Variants in MXD1 observed in about 807,000 individuals in gnomAD.
MXD1 encodes the protein MAX dimerization protein 1, also known as MAX-binding protein.
In MXD1, 9 loss-of-function variants were observed where a neutral mutation model predicts 25.7. That is an observed-to-expected ratio of 0.35 (90% CI 0.21 to 0.61). The LOEUF (loss-of-function observed/expected upper bound fraction) is 0.61, where lower values mean the gene tolerates loss of function less well. Among genes scored for constraint, MXD1 ranks in the 20% least tolerant of loss-of-function variants. The pLI is 0.75. For missense variants in MXD1, 227 were observed against 292.4 expected (o/e 0.78, Z 1.63); for synonymous variants, 99 against 113.9 (o/e 0.87, Z 0.83).
rs1287065244 is a variant in MXD1 at position 69,941,883 on chromosome 2, C to T, written c.*3599C>T. On this transcript the variant is annotated 3_prime_UTR_variant, in exon 6 of 6. Coordinates refer to ENST00000264444, the MANE Select transcript of MXD1 (RefSeq NM_002357.4). ...ATATATACACACACACACACACACACACATATTATTATTTAGGTTTTTATA... is the reference window on the plus strand; with the variant it reads ...ATATATACACACACACACACACACATACATATTATTATTTAGGTTTTTATA... 1 of 152,092 alleles carries T rather than the reference C, an allele frequency of 6.6e-6. No homozygotes were observed. The highest frequency in any genetic ancestry group is 1.5e-5 in the Non-Finnish European group (1 of 68,020). 9.4% of individuals were successfully genotyped at this position (152,092 alleles called of 1,614,324 possible).
intron 5 of MXD1, 83 bp from the exon 6 acceptor site, chr2:69,938,014 T>A: frequency 7.3e-7 from 1 of 1,368,234 alleles, no homozygotes; most frequent in Admixed American, 2.0e-5. Flanking sequence ...CCCAAAGTGC[T>A]GGGATTACAA....
chr2:69,930,681 C>G (rs535518202), intron 3 of MXD1, among the ~76,000 whole-genome samples: 1 of 152,298 alleles, frequency 6.6e-6, no homozygotes, highest in Non-Finnish European at 1.5e-5. Context: ...TGCCAGATAG[C>G]CTCTGTCTGC....
At chr2:69,933,331 A>C (rs1677344858) in intron 3 of MXD1, among the ~76,000 whole-genome samples, 1 of 151,962 alleles carries the variant, frequency 6.6e-6, no homozygotes, top group Admixed American at 6.6e-5. Context: ...ATCTATTTTC[A>C]TGGCTCTTTT....
intron 4 of MXD1, among the ~76,000 whole-genome samples, chr2:69,936,039 TC>T (rs1203702704): frequency 6.6e-6 from 1 of 152,068 alleles, no homozygotes; most frequent in African/African-American, 2.4e-5. Context: ...CAGCCCTTCT[TC>T]CAGTCCCTGG....
rs1677569817 is a variant in MXD1, at chr2:69,940,467, G to C, written c.*2183G>C. 3 of 152,666 alleles carry C rather than the reference G, an allele frequency of 2.0e-5. 1 individual carries two copies. The highest frequency in any genetic ancestry group is 2.1e-4 in the South Asian group (1 of 4,822). The allele number at this position is 152,666 out of a possible 1,614,324, so 9.5% of individuals were successfully genotyped here. A position where few individuals can be genotyped will look rare whatever the true frequency, so the allele number is the denominator to read the frequency against. ...GGAAAAAGCTTGTGGGCTTGCACTG[G>C]GGGAGGGAAGGGAACAAAATTTGTG... On this transcript the variant is annotated 3_prime_UTR_variant, in exon 6 of 6. Transcript: ENST00000264444.
At chr2:69,937,077 C>T in intron 4 of MXD1, 158 bp from the exon 5 acceptor site, 2 of 937,886 alleles carry the variant, frequency 2.1e-6, no homozygotes, top group Non-Finnish European at 3.5e-6. Flanking sequence ...GAGTCACTGG[C>T]CAGTCGACTT....
rs1009429637 is a variant in MXD1 at position 69,921,722 on chromosome 2, G to T, written c.174-14G>T. 1 of 1,606,720 alleles carries T rather than the reference G, an allele frequency of 6.2e-7. No homozygotes were observed. On this transcript the variant is annotated splice_polypyrimidine_tract_variant and intron_variant, in intron 2 of 5. Coordinates refer to ENST00000264444, the MANE Select transcript of MXD1 (RefSeq NM_002357.4). ...AAAAATATCTTATTCTTCTCTTATT[G>T]TTCCCTCTTTCAGATCAACTCACAA...
rs1553380128 is a variant in MXD1, at chr2:69,937,448, C to CACGG, written c.478+55_478+56insCGGA. On this transcript the variant is annotated intron_variant, in intron 5 of 5. Coordinates refer to ENST00000264444, the MANE Select transcript of MXD1 (RefSeq NM_002357.4). ...TCCCTTGTGCTCCCCAACCCCAGAG[C>CACGG]AGGGGTTCAGTACTGCGGACAGGAG... The CACGG allele has an allele frequency of 1.4e-5, 21 of 1,514,038 alleles. 1 individual carries two copies. Among genetic ancestry groups the CACGG allele is most frequent in the Non-Finnish European group, 1.6e-5 (18 of 1,127,356 alleles). The allele number at this position is 1,514,038 out of a possible 1,614,324, so 93.8% of individuals were successfully genotyped here.
intron 3 of MXD1, among the ~76,000 whole-genome samples, chr2:69,933,291 A>G (rs1168815216): frequency 6.6e-6 from 1 of 151,838 alleles, no homozygotes; most frequent in South Asian, 2.1e-4. Flanking sequence ...TGTATAAATT[A>G]TACTTTCTCA....
intron 3 of MXD1, among the ~76,000 whole-genome samples, chr2:69,922,240 G>T (rs1429210560): frequency 6.6e-6 from 1 of 152,220 alleles, no homozygotes; most frequent in Non-Finnish European, 1.5e-5. Context: ...TCAGGCAAAT[G>T]TATGCATGGC....
intron 3 of MXD1, among the ~76,000 whole-genome samples, chr2:69,924,260 AACGTGAAGTC>A (rs1182165021): frequency 6.6e-6 from 1 of 152,244 alleles, no homozygotes; most frequent in Non-Finnish European, 1.5e-5. Context: ...TGGAAAACTG[AACGTGAAGTC>A]ACCACTAGGC....
intron 3 of MXD1, among the ~76,000 whole-genome samples, chr2:69,928,241 CAAGATAGGTGATAA>C (rs1677208425): frequency 6.6e-6 from 1 of 151,990 alleles, no homozygotes; most frequent in Non-Finnish European, 1.5e-5. Context: ...TGGCCCACAC[CAAGATAGGTGATAA>C]AATGGTGAAA....
chr2:69,937,196 C>T (rs1470294002), intron 4 of MXD1, 39 bp from the exon 5 acceptor site: 1 of 1,609,550 alleles, frequency 6.2e-7, no homozygotes, highest in South Asian at 1.1e-5. Flanking sequence ...ATTTAGAGAT[C>T]TCCCTGTGGG....
chr2:69,923,864 G>A (rs1677119206), intron 3 of MXD1, among the ~76,000 whole-genome samples: 1 of 152,076 alleles, frequency 6.6e-6, no homozygotes, highest in African/African-American at 2.4e-5. Context: ...GGGTAAACCG[G>A]GACTATTTCT....
intron 3 of MXD1, among the ~76,000 whole-genome samples, chr2:69,930,364 G>A (rs1558570903): frequency 6.6e-6 from 1 of 152,128 alleles, no homozygotes; most frequent in Non-Finnish European, 1.5e-5. Flanking sequence ...AGATCAAGGA[G>A]GGAGGCCCAG....
In MXD1 at chr2:69,938,856, C is replaced by G. The variant is rs1375777255; in HGVS notation, c.*572C>G. 1 of 152,940 alleles carries G rather than the reference C, an allele frequency of 6.5e-6. No individual in the cohort carries two copies. The highest frequency in any genetic ancestry group is 2.4e-5 in the African/African-American group (1 of 41,436). The allele number at this position is 152,940 out of a possible 1,614,324, so 9.5% of individuals were successfully genotyped here. On this transcript the variant is annotated 3_prime_UTR_variant, in exon 6 of 6. Coordinates refer to ENST00000264444, the MANE Select transcript of MXD1 (RefSeq NM_002357.4). Reference sequence around the variant, plus strand: ...ACCGCGCATGCTCATTCCCCCGACGCGCCGCGTGTGGATGGGAGCAGTATT... The same window carrying G: ...ACCGCGCATGCTCATTCCCCCGACGGGCCGCGTGTGGATGGGAGCAGTATT...
In MXD1 at chr2:69,940,280, A is replaced by T. The variant is rs1331105950; in HGVS notation, c.*1996A>T. 2.6e-5 allele frequency: 4 copies of T among 152,146 alleles called. No individual in the cohort carries two copies. The highest frequency in any genetic ancestry group is 9.7e-5 in the African/African-American group (4 of 41,422). 9.4% of individuals were successfully genotyped at this position (152,146 alleles called of 1,614,324 possible). The stretch of plus-strand genomic sequence containing the variant: ...GATTTAAGCAGAGTGATAGTGTTCA[A>T]AGAGCCAGTTCAGCCTGTAACATAT... On this transcript the variant is annotated 3_prime_UTR_variant, in exon 6 of 6. Transcript: ENST00000264444.
chr2:69,933,213 A>C lies in MXD1; in HGVS notation c.204-2138A>C, dbSNP rs996492034. 4.8e-3 allele frequency among the ~76,000 whole-genome samples: 732 copies of C among 151,292 alleles called. 8 individuals are homozygous for C. The highest frequency in any genetic ancestry group is 0.017 in the African/African-American group (700 of 41,258). ...AGAACTCTGTCTCAAAAAAAAAAAA[A>C]AAAAAAAAAAACAAAAAAAGAAAAT... is the stretch of plus-strand genomic sequence containing the variant. On this transcript the variant is annotated intron_variant, in intron 3 of 5. Transcript: ENST00000264444.
In MXD1 at chr2:69,939,138, CT is replaced by C. The variant is rs201166865; in HGVS notation, c.*860del. On this transcript the variant is annotated 3_prime_UTR_variant, in exon 6 of 6. Transcript: ENST00000264444. The stretch of plus-strand genomic sequence containing the variant: ...TTTCCCACTTAACACAGTGATTATC[CT>C]TTTTTCCCCCCCCAAAATAGTGACA... 163 of 150,968 alleles carry C rather than the reference CT, an allele frequency of 1.1e-3. No homozygotes were observed. Among genetic ancestry groups the C allele is most frequent in the South Asian group, 2.5e-3 (12 of 4,800 alleles). The allele number at this position is 150,968 out of a possible 1,614,324, so 9.4% of individuals were successfully genotyped here.
Sources: allele counts gnomAD v4.1 joint callset (sites outside exome capture counted in the v4.1 genomes callset), GRCh38; gene constraint gnomAD v4.1.1; transcripts MANE v1.5; gene names NCBI Gene and HGNC (gene_info 2026-07-23, HGNC 2026-07-21).